NCOA3: variants seen among roughly 807,000 people sequenced by gnomAD.
NCOA3 encodes CBP-interacting protein.
Under a neutral mutation model 158.8 loss-of-function variants are expected in NCOA3, and 51 were observed. That is an observed-to-expected ratio of 0.32 (90% CI 0.26 to 0.41). The LOEUF (loss-of-function observed/expected upper bound fraction) is 0.41. NCOA3 is among the 10% of genes least tolerant of loss of function. The pLI, the probability that NCOA3 is intolerant of heterozygous loss-of-function variation, is 1.00. For synonymous variants in NCOA3, 537 were observed against 592.4 expected, an observed-to-expected ratio of 0.91 and a Z score of 1.36; for missense variants, 1,510 against 1,746.6, an observed-to-expected ratio of 0.86 and a Z score of 2.41.
chr20:47,591,316 A>C (rs1330378820), intron 2 of NCOA3, among the ~76,000 whole-genome samples: 1 of 152,214 alleles, frequency 6.6e-6, no homozygotes, highest in African/African-American at 2.4e-5. Context: ...AAAATTTAAA[A>C]ATGTTAGCTC....
At chr20:47,534,603 G>A (rs1244582859) in intron 1 of NCOA3, among the ~76,000 whole-genome samples, 2 of 152,180 alleles carry the variant, frequency 1.3e-5, no homozygotes, top group African/African-American at 4.8e-5. Context: ...TTTTACTTTA[G>A]ATTACTGACA....
intron 2 of NCOA3, among the ~76,000 whole-genome samples, chr20:47,586,327 G>T (rs1036250128): frequency 6.6e-6 from 1 of 151,980 alleles, no homozygotes; most frequent in African/African-American, 2.4e-5. Flanking sequence ...TTACCCACTT[G>T]CTTATTTGTA....
At chr20:47,532,110 TTGTG>T (rs11474538) in intron 1 of NCOA3, among the ~76,000 whole-genome samples, 72 of 147,512 alleles carry the variant, frequency 4.9e-4, no homozygotes, top group African/African-American at 1.7e-3. Context: ...AGGGGGGGAC[TTGTG>T]TGTGTGTGTG....
chr20:47,615,212 G>T (rs1262703506), intron 2 of NCOA3, among the ~76,000 whole-genome samples: 1 of 152,090 alleles, frequency 6.6e-6, no homozygotes, highest in Non-Finnish European at 1.5e-5. Flanking sequence ...GTCTAGTATT[G>T]TACTACCACA....
intron 1 of NCOA3, among the ~76,000 whole-genome samples, chr20:47,515,233 G>A (rs112609893): frequency 2.6e-5 from 4 of 151,132 alleles, no homozygotes; most frequent in African/African-American, 4.9e-5. Context: ...CACGATCTCC[G>A]CTCACCACAA....
At chr20:47,503,949 G>T (rs1218427635) in intron 1 of NCOA3, among the ~76,000 whole-genome samples, 2 of 152,166 alleles carry the variant, frequency 1.3e-5, no homozygotes, top group African/African-American at 4.8e-5. Context: ...TTTGAAATAA[G>T]AGGCATATAC....
At chr20:47,588,145 T>A (rs1602445057) in intron 2 of NCOA3, among the ~76,000 whole-genome samples, 1 of 140,186 alleles carries the variant, frequency 7.1e-6, no homozygotes, top group East Asian at 2.0e-4. Context: ...TTTTTTTTTT[T>A]TTTTTTTTTT....
In NCOA3 at chr20:47,627,713, C is replaced by T. The variant is rs1286780009; in HGVS notation, c.685C>T (p.Leu229=). Residue 229 remains leucine, a synonymous_variant, in exon 7 of 23, where the codon CTG becomes TTG. Transcript: ENST00000371998. ...QRYETMQCFA[L]SQPRAMMEEG... Reference sequence around the variant, plus strand: ...ATATGAAACAATGCAGTGCTTTGCCCTGTCTCAGCCACGAGCTATGATGGA... The same window carrying T: ...ATATGAAACAATGCAGTGCTTTGCCTTGTCTCAGCCACGAGCTATGATGGA... 1 of 1,613,862 alleles carries T rather than the reference C, an allele frequency of 6.2e-7. No individual in the cohort carries two copies. The highest frequency in any genetic ancestry group is 1.3e-5 in the African/African-American group (1 of 74,900).
chr20:47,565,263 G>A (rs1408546803), intron 1 of NCOA3, among the ~76,000 whole-genome samples: 1 of 152,210 alleles, frequency 6.6e-6, no homozygotes, highest in Non-Finnish European at 1.5e-5. Flanking sequence ...TTACAGGCAT[G>A]AGCCACGGTG....
In NCOA3 at chr20:47,608,918, T is replaced by C. The variant is rs151014922; in HGVS notation, c.-19-13311T>C. On this transcript the variant is annotated intron_variant, in intron 2 of 22. Transcript: ENST00000371998. ...GTGCTGCTTAAATACGGAGGAGGTC[T>C]GAGCTAACCAATCTGAAGTTTGGCC... Among the ~76,000 whole-genome samples the C allele has an allele frequency of 3.9e-4, 60 of 152,336 alleles. 1 individual carries two copies. The highest frequency in any genetic ancestry group is 6.8e-3 in the Middle Eastern group (2 of 294).
rs774228610 is a variant in NCOA3, at chr20:47,651,184, A to C, written c.3854A>C (p.Asn1285Thr). The change falls in exon 20 of 23, where the codon AAT (asparagine) becomes ACT (threonine). Residue 1285 changes from asparagine to threonine, a missense_variant. Asn to Thr is a moderately conservative substitution (Grantham distance 65). Coordinates refer to ENST00000371998, the MANE Select transcript of NCOA3 (RefSeq NM_181659.3). ...ACCCAGGCCTTCAGCCCACCTCCTA[A>C]TGTGACTGCTTCCCCCAGCATGGAT... ...QQTQAFSPPP[N>T]VTASPSMDGL... 38 of 1,614,064 alleles carry C rather than the reference A, an allele frequency of 2.4e-5. No homozygotes were observed. In the South Asian group the frequency reaches 4.2e-4, roughly 18 times the overall value.
chr20:47,515,170 A>AT (rs1008222436), intron 1 of NCOA3, among the ~76,000 whole-genome samples: 6 of 150,502 alleles, frequency 4.0e-5, no homozygotes, highest in Admixed American at 1.3e-4. Flanking sequence ...TTTAAAAAAA[A>AT]TTTTTTTTTT....
At chr20:47,596,352 C>T (rs1334981053) in intron 2 of NCOA3, among the ~76,000 whole-genome samples, 1 of 151,960 alleles carries the variant, frequency 6.6e-6, no homozygotes, top group Non-Finnish European at 1.5e-5. Context: ...TCATTTTTAC[C>T]ATCCCTGTAT....
chr20:47,536,016 C>A (rs192585108), intron 1 of NCOA3, among the ~76,000 whole-genome samples: 1 of 152,232 alleles, frequency 6.6e-6, no homozygotes, highest in East Asian at 1.9e-4. Context: ...TGTTCTGCTC[C>A]TCTGTTCCTC....
intron 19 of NCOA3, 63 bp from the exon 20 acceptor site, chr20:47,650,919 A>G (rs1411399002): frequency 5.5e-6 from 8 of 1,466,834 alleles, no homozygotes; most frequent in African/African-American, 4.2e-5. Context: ...TGGGGGTACT[A>G]TATGTATGCA....
chr20:47,571,719 T>C (rs1305692498), intron 1 of NCOA3, among the ~76,000 whole-genome samples: 1 of 152,170 alleles, frequency 6.6e-6, no homozygotes, highest in African/African-American at 2.4e-5. Context: ...TAATTCTTTT[T>C]TTCTTTTTTT....
At chr20:47,558,232 A>ATTTT (rs71183263) in intron 1 of NCOA3, among the ~76,000 whole-genome samples, 9 of 55,528 alleles carry the variant, frequency 1.6e-4, no homozygotes, top group Admixed American at 2.6e-4. Context: ...CTAATTTTGT[A>ATTTT]TTTTTTTTTT....
chr20:47,552,043 A>G (rs1309342451), intron 1 of NCOA3, among the ~76,000 whole-genome samples: 1 of 152,240 alleles, frequency 6.6e-6, no homozygotes, highest in Non-Finnish European at 1.5e-5. Context: ...CAGTGTTGCC[A>G]TGGTGACTGC....
chr20:47,517,864 A>G (rs894353440), intron 1 of NCOA3, among the ~76,000 whole-genome samples: 1 of 152,214 alleles, frequency 6.6e-6, no homozygotes, highest in Non-Finnish European at 1.5e-5. Context: ...AAAAACATTT[A>G]AATGATGTAA....
Sources: allele counts gnomAD v4.1 joint callset (sites outside exome capture counted in the v4.1 genomes callset), GRCh38; gene constraint gnomAD v4.1.1; transcripts MANE v1.5; gene names NCBI Gene and HGNC (gene_info 2026-07-23, HGNC 2026-07-21).